BIRC6: variants seen among roughly 807,000 people sequenced by gnomAD.
BIRC6 encodes the protein dual E2 ubiquitin-conjugating enzyme/E3 ubiquitin-protein ligase BIRC6.
In BIRC6, 98 loss-of-function variants were observed where a neutral mutation model predicts 503.3. That is an observed-to-expected ratio of 0.19 (90% CI 0.17 to 0.23). The LOEUF (loss-of-function observed/expected upper bound fraction) is 0.23, where lower values mean the gene tolerates loss of function less well. Among genes scored for constraint, BIRC6 ranks in the 10% least tolerant of loss-of-function variants. The pLI, the probability that BIRC6 is intolerant of heterozygous loss-of-function variation, is 1.00. For missense variants in BIRC6, 5,360 were observed against 5,806.0 expected, an observed-to-expected ratio of 0.92 and a Z score of 2.50; for synonymous variants, 2,240 against 2,078.7, an observed-to-expected ratio of 1.08 and a Z score of -2.11.
chr2:32,445,652 G>T lies in BIRC6; in HGVS notation c.4468G>T (p.Ala1490Ser), dbSNP rs765457429. 1 of 1,553,034 alleles carries T rather than the reference G, an allele frequency of 6.4e-7. No homozygotes were observed. The highest frequency in any genetic ancestry group is 8.7e-7 in the Non-Finnish European group (1 of 1,148,328). ...ACAGGACAGGCTAACACCAATGGAG[G>T]CTTTACTTCAGACAAGGTATTTTAG... ...QLQDRLTPME[A>S]LLQTRYGLYS... is the part of the protein sequence containing the mutation. Residue 1490 changes from alanine (A) to serine (S), a missense_variant, in exon 21 of 74, where the codon GCT (alanine) becomes TCT (serine). Physicochemically the swap from Ala to Ser is moderately conservative, Grantham distance 99. Transcript: ENST00000421745.
chr2:32,580,642 A>AAG (rs2060610402), intron 66 of BIRC6, among the ~76,000 whole-genome samples: 1 of 152,188 alleles, frequency 6.6e-6, no homozygotes, highest in Admixed American at 6.5e-5. Flanking sequence ...GCATTATAGA[A>AAG]AGATGGTCTT....
chr2:32,508,186 G>A lies in BIRC6; in HGVS notation c.9907G>A (p.Ala3303Thr), dbSNP rs1379116923. Residue 3303 changes from alanine to threonine, a missense_variant, in exon 51 of 74, where the codon GCT becomes ACT. Physicochemically the swap from Ala to Thr is moderately conservative, Grantham distance 58 (BLOSUM62 0). Transcript: ENST00000421745. ...ACAAATTAAATTATTGGGGCTCACT[G>A]CTTTTGGTACCACCTCTTCTGCAAC... ...LSQIKLLGLT[A>T]FGTTSSATVN... The A allele has an allele frequency of 6.2e-7, 1 of 1,610,556 alleles. No homozygotes were observed. The highest frequency in any genetic ancestry group is 1.4e-5 in the African/African-American group (1 of 73,974).
chr2:32,520,397 T>A lies in BIRC6; in HGVS notation c.11623+1451T>A, dbSNP rs181037005. 6.4e-3 allele frequency among the ~76,000 whole-genome samples: 968 copies of A among 152,308 alleles called. 11 individuals are homozygous for A. The highest frequency in any genetic ancestry group is 0.022 in the African/African-American group (906 of 41,548). ...ATACTGTTATAAATATTAAAAAAAA[T>A]TTATTTGAAAATGACTGCCTTATCT... On this transcript the variant is annotated intron_variant, in intron 57 of 73. Transcript: ENST00000421745.
chr2:32,427,529 G>A (rs1416027274), intron 10 of BIRC6, among the ~76,000 whole-genome samples: 1 of 152,050 alleles, frequency 6.6e-6, no homozygotes, highest in African/African-American at 2.4e-5. Context: ...CAGGTGATCC[G>A]CCCGCCTCCG....
intron 13 of BIRC6, among the ~76,000 whole-genome samples, chr2:32,434,948 G>GA (rs1458913784): frequency 6.6e-6 from 1 of 152,176 alleles, no homozygotes; most frequent in East Asian, 1.9e-4. Flanking sequence ...GGGAGGATAT[G>GA]AATAAGGTTA....
chr2:32,489,461 G>C (rs987968468), intron 42 of BIRC6, among the ~76,000 whole-genome samples: 1 of 151,250 alleles, frequency 6.6e-6, no homozygotes, highest in African/African-American at 2.4e-5. Context: ...GTTTTCATCT[G>C]TTTTTAATTT....
At chr2:32,511,904 C>A (rs978288694) in intron 53 of BIRC6, among the ~76,000 whole-genome samples, 3 of 152,050 alleles carry the variant, frequency 2.0e-5, no homozygotes, top group African/African-American at 7.2e-5. Flanking sequence ...AAATTTGAAT[C>A]ATAATCGTTA....
Position 32,547,992 on chromosome 2 carries a change from A to T in BIRC6, c.12953A>T (p.Glu4318Val). Residue 4318 changes from glutamate (E) to valine (V), a missense_variant, in exon 64 of 74, where the codon GAA (glutamate) becomes GTA (valine). Physicochemically the swap from Glu to Val is moderately radical, Grantham distance 121 (BLOSUM62 -2). Coordinates refer to ENST00000421745, the MANE Select transcript of BIRC6 (RefSeq NM_016252.4). ...TTAACTAAGCAAAGGCTGGAAGAGG[A>T]ACATGTTACCTGCCTTCTGCAGGTA... ...QALTKQRLEEEHVTCLLQVLA... is the reference protein window; with the variant it reads ...QALTKQRLEEVHVTCLLQVLA... 6.2e-7 allele frequency: 1 copy of T among 1,607,154 alleles called. No individual in the cohort carries two copies.
chr2:32,523,666 G>A (rs1284525746), intron 57 of BIRC6: 1 of 152,212 alleles, frequency 6.6e-6, no homozygotes, highest in African/African-American at 2.4e-5. Context: ...ACTGTAAAAT[G>A]AGAGTTATTA....
At chr2:32,516,593 C>CAAA (rs370418768) in intron 55 of BIRC6, among the ~76,000 whole-genome samples, 9 of 135,826 alleles carry the variant, frequency 6.6e-5, no homozygotes, top group African/African-American at 1.1e-4. Context: ...GACTCCATCT[C>CAAA]AAAAAAAAAA....
Position 32,478,825 on chromosome 2 carries a change from T to G in BIRC6, c.7252+7T>G. The G allele has an allele frequency of 6.2e-7, 1 of 1,610,310 alleles. No homozygotes were observed. Among genetic ancestry groups the G allele is most frequent in the Non-Finnish European group, 8.5e-7 (1 of 1,178,898 alleles). On this transcript the variant is annotated splice_region_variant and intron_variant, in intron 36 of 73. Coordinates refer to ENST00000421745, the MANE Select transcript of BIRC6 (RefSeq NM_016252.4). The stretch of plus-strand genomic sequence containing the variant: ...CTACAAGATATTTTAGCAGGTGTGT[T>G]AGGATTTTTCTTCATAGAGTATGTC...
At chr2:32,481,199 GTTT>G in intron 37 of BIRC6, 118 bp from the exon 38 acceptor site, 1 of 690,154 alleles carries the variant, frequency 1.4e-6, no homozygotes, top group Non-Finnish European at 2.2e-6. Flanking sequence ...CATACATAGA[GTTT>G]TTTTTTTTAG....
chr2:32,518,785 C>A, intron 56 of BIRC6, 32 bp from the exon 57 acceptor site: 1 of 1,602,222 alleles, frequency 6.2e-7, no homozygotes, highest in Non-Finnish European at 8.5e-7. Context: ...CAAAAAGTTA[C>A]TTCCTGATTT....
chr2:32,446,326 T>C (rs13001582), intron 21 of BIRC6, among the ~76,000 whole-genome samples: 2 of 152,254 alleles, frequency 1.3e-5, no homozygotes, highest in African/African-American at 4.8e-5. Flanking sequence ...GTCCCATAAC[T>C]AGTATTCTTC....
intron 66 of BIRC6, among the ~76,000 whole-genome samples, chr2:32,586,462 A>G (rs1049946724): frequency 3.6e-4 from 45 of 125,520 alleles, no homozygotes; most frequent in African/African-American, 1.4e-3. Context: ...AGACAGGGTT[A>G]AACTCTGTCA....
At chr2:32,542,029 C>A (rs11124283) in intron 61 of BIRC6, among the ~76,000 whole-genome samples, 1,999 of 152,074 alleles carry the variant, frequency 0.013, 22 homozygotes, top group Middle Eastern at 0.024. Context: ...TGTAGTCTTG[C>A]ATATGTAACA....
At position 32,468,638 on chromosome 2, in the gene BIRC6, C is replaced by A. The variant is rs564244523; in HGVS notation, c.5982C>A (p.Leu1994=). 2.2e-5 allele frequency: 36 copies of A among 1,613,980 alleles called. No individual in the cohort carries two copies. The Admixed American group carries it at 4.0e-4, about 18-fold the overall frequency. ...LNLAHNAVQR[L]KVALGASRKM... ...TGGCTCATAATGCAGTGCAGAGGCT[C>A]AAAGTGGCGCTAGGTGCAAGCCGGA... The change falls in exon 29 of 74, where the codon CTC becomes CTA. Residue 1994 remains leucine, a synonymous_variant. Transcript: ENST00000421745.
Position 32,401,305 on chromosome 2 carries a change from T to G in BIRC6, c.1177T>G (p.Ser393Ala), listed in dbSNP as rs2040573032. The G allele has an allele frequency of 1.2e-6, 2 of 1,613,888 alleles. No homozygotes were observed. The highest frequency in any genetic ancestry group is 2.7e-5 in the African/African-American group (2 of 74,920). Residue 393 changes from serine to alanine, a missense_variant, in exon 7 of 74, where the codon TCG becomes GCG. By Grantham distance (99) the Ser-to-Ala change is moderately conservative. Coordinates refer to ENST00000421745, the MANE Select transcript of BIRC6 (RefSeq NM_016252.4). ...DGTDRISCFGSGSCPHFLAAA... is the reference protein window; with the variant it reads ...DGTDRISCFGAGSCPHFLAAA... Reference sequence around the variant, plus strand: ...AACTGACAGAATATCTTGCTTTGGGTCGGGGAGCTGCCCTCATTTTCTAGC... The same window carrying G: ...AACTGACAGAATATCTTGCTTTGGGGCGGGGAGCTGCCCTCATTTTCTAGC...
At chr2:32,458,457 G>A (rs2047479036) in intron 23 of BIRC6, among the ~76,000 whole-genome samples, 1 of 151,880 alleles carries the variant, frequency 6.6e-6, no homozygotes, top group Admixed American at 6.6e-5. Flanking sequence ...ATAACTGATA[G>A]AATTTTCAAT....
Sources: allele counts gnomAD v4.1 joint callset (sites outside exome capture counted in the v4.1 genomes callset), GRCh38; gene constraint gnomAD v4.1.1; transcripts MANE v1.5; gene names NCBI Gene and HGNC (gene_info 2026-07-23, HGNC 2026-07-21).